The following SLC5A6 variants were observed in gnomAD, a reference collection of about 807,000 sequenced individuals.
SLC5A6 encodes the protein solute carrier family 5 member 6, also known as sodium-dependent multivitamin transporter.
Under a neutral mutation model 67.9 loss-of-function variants are expected in SLC5A6, and 31 were observed. The ratio of observed to expected loss-of-function variants is 0.46; its 90% CI spans 0.34 to 0.62. The LOEUF (loss-of-function observed/expected upper bound fraction) is 0.62. SLC5A6 is among the 20% of genes least tolerant of loss of function. The pLI is 0.01. For synonymous variants in SLC5A6, 343 were observed against 331.0 expected, an observed-to-expected ratio of 1.04 and a Z score of -0.39; for missense variants, 673 against 812.8, an observed-to-expected ratio of 0.83 and a Z score of 2.09.
upstream of SLC5A6, chr2:27,212,394 T>G (rs1257997762): frequency 3.2e-6 from 5 of 1,551,064 alleles, no homozygotes; most frequent in Non-Finnish European, 4.4e-6. Context: ...CCGGGTAGTC[T>G]TACGACCCTG....
Position 27,212,155 on chromosome 2 carries a change from GA to G in SLC5A6, c.-344del. The G allele has an allele frequency of 2.0e-6, 3 of 1,533,290 alleles. No homozygotes were observed. Among genetic ancestry groups the G allele is most frequent in the East Asian group, 2.5e-5 (1 of 39,638 alleles). 95.0% of individuals were successfully genotyped at this position (1,533,290 alleles called of 1,614,324 possible). On this transcript the variant is annotated 5_prime_UTR_variant, in exon 1 of 17. It introduces an in-frame stop codon into an upstream open reading frame of the 5' UTR. Coordinates refer to ENST00000310574, the MANE Select transcript of SLC5A6 (RefSeq NM_021095.4). ...GACGGGGGAGGCCTTCACTAAAGGGGAAAAGGAAGAGGGGGTCGGCCAGTAT... is the reference window on the plus strand; with the variant it reads ...GACGGGGGAGGCCTTCACTAAAGGGGAAAGGAAGAGGGGGTCGGCCAGTAT...
At chr2:27,203,720 C>T (rs1001218868) in intron 10 of SLC5A6, 59 bp downstream of exon 10, 1 of 1,297,100 alleles carries the variant, frequency 7.7e-7, no homozygotes, top group African/African-American at 1.5e-5. Flanking sequence ...CCACCCATCA[C>T]CTTGTACCAA....
intron 7 of SLC5A6, 24 bp from the exon 8 acceptor site, chr2:27,204,955 T>C (rs781462863): frequency 1.3e-5 from 21 of 1,609,918 alleles, no homozygotes; most frequent in South Asian, 2.2e-5. Flanking sequence ...CACCCAGTCA[T>C]TGTGCAAAGC....
Position 27,211,451 on chromosome 2 carries a change from C to T in SLC5A6, c.-141+16G>A, listed in dbSNP as rs1279422631. 1 of 152,402 alleles carries T rather than the reference C, an allele frequency of 6.6e-6. No individual in the cohort carries two copies. Among genetic ancestry groups the T allele is most frequent in the Non-Finnish European group, 1.5e-5 (1 of 68,076 alleles). The allele number at this position is 152,402 out of a possible 1,614,324, so 9.4% of individuals were successfully genotyped here. A position where few individuals can be genotyped will look rare whatever the true frequency, so the allele number is the denominator to read the frequency against. On this transcript the variant is annotated intron_variant, in intron 2 of 16. Transcript: ENST00000310574. ...AGGGCGCTGGCCCACCCTGGGGCAG[C>T]AACGCACTCCCTTACCTCCGTGGTT...
intron 11 of SLC5A6, 91 bp downstream of exon 11, chr2:27,203,142 T>C: frequency 6.3e-7 from 1 of 1,584,876 alleles, no homozygotes. Context: ...GAGCCCCGGA[T>C]AAAGTGGGTG....
Position 27,202,092 on chromosome 2 carries a change from G to C in SLC5A6, c.1276-18C>G, listed in dbSNP as rs753326957. ...ATTGCTGCCTAGGAGGACAGGGTGA[G>C]AAGAAAAGGAAAAAGAACACAGACT... On this transcript the variant is annotated intron_variant, in intron 12 of 16. Transcript: ENST00000310574. 12 of 1,589,052 alleles carry C rather than the reference G, an allele frequency of 7.6e-6. No homozygotes were observed. The highest frequency in any genetic ancestry group is 1.1e-5 in the South Asian group (1 of 90,542).
In SLC5A6 at chr2:27,206,062, C is replaced by G; in HGVS notation, c.543G>C (p.Leu181=). The G allele has an allele frequency of 6.2e-7, 1 of 1,614,134 alleles. No individual in the cohort carries two copies. Among genetic ancestry groups the G allele is most frequent in the Non-Finnish European group, 8.5e-7 (1 of 1,180,002 alleles). The change falls in exon 6 of 17, where the codon CTG becomes CTC. Residue 181 remains leucine (L), a synonymous_variant. Transcript: ENST00000310574. ...AGACGGTACAGACAATGCCCAGGGC[C>G]AGCACGGACAGCCACAGATCAAAGC... ...VTGFDLWLSV[L]ALGIVCTVYT...
At position 27,203,785 on chromosome 2, in the gene SLC5A6, G is replaced by C; in HGVS notation, c.1088C>G (p.Ser363Cys). The change falls in exon 10 of 17, where the codon TCT becomes TGT. Residue 363 changes from serine (S) to cysteine (C), a missense_variant. Ser to Cys is a moderately radical substitution (Grantham distance 112, BLOSUM62 -1). Transcript: ENST00000310574. The part of the protein sequence containing the change: ...GLFIACLFSG[S>C]LSTISSAFNS... Reference sequence around the variant, plus strand: ...AAATCGTTAAAGTGGGTACCTGAGAGAGCCGCTGAAGAGGCAGGCAATGAA... The same window carrying C: ...AAATCGTTAAAGTGGGTACCTGAGACAGCCGCTGAAGAGGCAGGCAATGAA... The C allele has an allele frequency of 1.2e-6, 2 of 1,612,656 alleles. No homozygotes were observed. The highest frequency in any genetic ancestry group is 1.7e-6 in the Non-Finnish European group (2 of 1,178,656).
rs1674134684 is a variant in SLC5A6 at position 27,207,132 on chromosome 2, C to T, written c.393+126G>A. On this transcript the variant is annotated intron_variant, in intron 3 of 16. Transcript: ENST00000310574. The surrounding 1 kb of genome is among the most constrained non-coding windows in gnomAD (Gnocchi z 5.5). Reference sequence around the variant, plus strand: ...TCACTGAGAAAGAATTATAAACACACAATGAGTTTTCTGTCCCTCTCATTA... The same window carrying T: ...TCACTGAGAAAGAATTATAAACACATAATGAGTTTTCTGTCCCTCTCATTA... 1 of 1,131,216 alleles carries T rather than the reference C, an allele frequency of 8.8e-7. No individual in the cohort carries two copies. Among genetic ancestry groups the T allele is most frequent in the Non-Finnish European group, 1.3e-6 (1 of 769,036 alleles). 70.1% of individuals were successfully genotyped at this position (1,131,216 alleles called of 1,614,324 possible).
In SLC5A6 at chr2:27,212,086, C is replaced by T. The variant is rs1674574188; in HGVS notation, c.-274G>A. ...CCTCGGCGTCCGGACGCGGGGAACA[C>T]CGGGCTGAGGGAGTCTGCAGTCGGC... is the stretch of plus-strand genomic sequence containing the variant. On this transcript the variant is annotated 5_prime_UTR_variant, in exon 1 of 17. The change creates a new upstream start codon in the 5' untranslated region. Transcript: ENST00000310574. The T allele has an allele frequency of 1.5e-6, 2 of 1,366,408 alleles. No homozygotes were observed. The highest frequency in any genetic ancestry group is 1.9e-6 in the Non-Finnish European group (2 of 1,029,386). 84.6% of individuals were successfully genotyped at this position (1,366,408 alleles called of 1,614,324 possible).
At position 27,200,702 on chromosome 2, in the gene SLC5A6, C is replaced by G; in HGVS notation, c.1765-123G>C. 4.1e-6 allele frequency: 4 copies of G among 981,152 alleles called. No individual in the cohort carries two copies. The South Asian group carries it at 4.8e-5, about 12-fold the overall frequency. 60.8% of individuals were successfully genotyped at this position (981,152 alleles called of 1,614,324 possible). On this transcript the variant is annotated intron_variant, in intron 16 of 16. Coordinates refer to ENST00000310574, the MANE Select transcript of SLC5A6 (RefSeq NM_021095.4). ...GCAAGGCTGGGTTCGGGAGGGAGAG[C>G]AGGGGGAAAAGAGGGAGGGCATAGC...
In SLC5A6 at chr2:27,203,322, G is replaced by A. The variant is rs1180105170; in HGVS notation, c.1118C>T (p.Ser373Leu). The change falls in exon 11 of 17, where the codon TCA (serine) becomes TTA (leucine). Residue 373 changes from serine (S) to leucine (L), a missense_variant. Coordinates refer to ENST00000310574, the MANE Select transcript of SLC5A6 (RefSeq NM_021095.4). ...SLSTISSAFN[S>L]LATVTMEDLI... ...GTCTTCCATCGTAACAGTTGCCAAT[G>A]AATTAAAAGCAGAGGATATAGTGCT... The A allele has an allele frequency of 1.2e-6, 2 of 1,614,028 alleles. No homozygotes were observed. The highest frequency in any genetic ancestry group is 1.1e-5 in the South Asian group (1 of 91,076).
chr2:27,212,081 G>A lies in SLC5A6; in HGVS notation c.-269C>T. On this transcript the variant is annotated 5_prime_UTR_variant, in exon 1 of 17. Coordinates refer to ENST00000310574, the MANE Select transcript of SLC5A6 (RefSeq NM_021095.4). ...CGCGACCTCGGCGTCCGGACGCGGG[G>A]AACACCGGGCTGAGGGAGTCTGCAG... is the stretch of plus-strand genomic sequence containing the variant. 3 of 1,327,156 alleles carry A rather than the reference G, an allele frequency of 2.3e-6. No individual in the cohort carries two copies. The highest frequency in any genetic ancestry group is 3.0e-5 in the East Asian group (1 of 33,448). 82.2% of individuals were successfully genotyped at this position (1,327,156 alleles called of 1,614,324 possible).
intron 11 of SLC5A6, 111 bp downstream of exon 11, chr2:27,203,122 G>A: frequency 6.4e-7 from 1 of 1,550,538 alleles, no homozygotes; most frequent in Non-Finnish European, 8.7e-7. Flanking sequence ...TGCTTCATTA[G>A]GCAAGTGCTG....
At position 27,203,799 on chromosome 2, in the gene SLC5A6, G is replaced by A. The variant is rs770014017; in HGVS notation, c.1074C>T (p.Cys358=). 9 of 1,613,684 alleles carry A rather than the reference G, an allele frequency of 5.6e-6. No individual in the cohort carries two copies. The South Asian group carries it at 7.7e-5, about 14-fold the overall frequency. Residue 358 remains cysteine (C), a synonymous_variant, in exon 10 of 17, where the codon TGC becomes TGT. Transcript: ENST00000310574. ...LPGLPGLFIA[C]LFSGSLSTIS... The stretch of plus-strand genomic sequence containing the variant: ...GGTACCTGAGAGAGCCGCTGAAGAG[G>A]CAGGCAATGAAGAGCCCTGGCAGGC...
chr2:27,210,029 G>A (rs1674350319), intron 2 of SLC5A6, among the ~76,000 whole-genome samples: 1 of 152,222 alleles, frequency 6.6e-6, no homozygotes, highest in Admixed American at 6.5e-5. Flanking sequence ...GAGGAAAGAA[G>A]AGGTCTCCTG....
chr2:27,211,895 C>G (rs915388986), intron 1 of SLC5A6, 125 bp downstream of exon 1: 1 of 336,080 alleles, frequency 3.0e-6, no homozygotes, highest in African/African-American at 2.2e-5. Flanking sequence ...GCTCTCCAGG[C>G]CCACCTGCCC....
At chr2:27,212,467 G>A (rs748413481), upstream of SLC5A6, 24 of 1,561,692 alleles carry the variant, frequency 1.5e-5, no homozygotes, top group Non-Finnish European at 2.1e-5. Flanking sequence ...CGCTACCCGA[G>A]GTACAGAAGC....
chr2:27,210,033 T>C (rs1263555768), intron 2 of SLC5A6, among the ~76,000 whole-genome samples: 1 of 152,034 alleles, frequency 6.6e-6, no homozygotes, highest in African/African-American at 2.4e-5. Flanking sequence ...AAAGAAGAGG[T>C]CTCCTGTGTG....
Sources: allele counts gnomAD v4.1 joint callset (sites outside exome capture counted in the v4.1 genomes callset), GRCh38; gene constraint gnomAD v4.1.1; non-coding constraint Gnocchi (gnomAD v3.1); transcripts MANE v1.5; gene names NCBI Gene and HGNC (gene_info 2026-07-23, HGNC 2026-07-21).